Variants in STK31 observed in about 807,000 individuals in gnomAD.
STK31 encodes serine/threonine kinase 31.
Under a neutral mutation model 129.7 loss-of-function variants are expected in STK31, and 89 were observed. The ratio of observed to expected loss-of-function variants is 0.69; its 90% CI spans 0.58 to 0.82. The LOEUF is 0.82. Ranked by LOEUF, STK31 falls within the 40% of genes least tolerant of loss-of-function variation. The pLI is 0.00. For synonymous variants in STK31, 448 were observed against 395.3 expected, an observed-to-expected ratio of 1.13 and a Z score of -1.58; for missense variants, 1,187 against 1,176.4, an observed-to-expected ratio of 1.01 and a Z score of -0.13.
chr7:23,713,990 AT>A (rs1308701810), intron 3 of STK31, among the ~76,000 whole-genome samples: 3 of 152,202 alleles, frequency 2.0e-5, no homozygotes, highest in African/African-American at 7.2e-5. Flanking sequence ...TTACACCAGC[AT>A]CACCACAAAT....
In STK31 at chr7:23,735,740, G is replaced by A. The variant is rs1787678668; in HGVS notation, c.686G>A (p.Gly229Asp). The change falls in exon 7 of 24, where the codon GGT becomes GAT. Residue 229 changes from glycine (G) to aspartate (D), a missense_variant. This residue lies in a region of STK31 where 975 missense variants were observed against 934.9 expected (regional missense o/e 1.04). Transcript: ENST00000355870. ...DICEEKKLDP[G>D]QLVLRNLKSP... is the part of the protein sequence containing the mutation. ...TGTGAGGAAAAAAAATTGGATCCTGGTCAACTTGTTCTCAGGAACCTCAAA... is the reference window on the plus strand; with the variant it reads ...TGTGAGGAAAAAAAATTGGATCCTGATCAACTTGTTCTCAGGAACCTCAAA... 1 of 1,614,090 alleles carries A rather than the reference G, an allele frequency of 6.2e-7. No individual in the cohort carries two copies. The highest frequency in any genetic ancestry group is 1.3e-5 in the African/African-American group (1 of 75,030).
chr7:23,777,567 C>G (rs62470064), intron 15 of STK31, among the ~76,000 whole-genome samples: 38,283 of 152,052 alleles, frequency 0.25, 5,198 homozygotes, highest in East Asian at 0.39. Flanking sequence ...GCACTGATCC[C>G]TTTACCATTA....
chr7:23,748,985 T>C (rs1222433897), intron 8 of STK31, among the ~76,000 whole-genome samples: 1 of 152,228 alleles, frequency 6.6e-6, no homozygotes, highest in African/African-American at 2.4e-5. Flanking sequence ...TATATCCAAT[T>C]TATTGGTGTT....
intron 4 of STK31, chr7:23,722,065 G>T (rs1001926872): frequency 4.9e-5 from 8 of 164,068 alleles, no homozygotes; most frequent in Non-Finnish European, 9.2e-5. Context: ...ATCGTCTGAA[G>T]CCTTCTTCTC....
At chr7:23,719,382 A>G (rs1019845570) in intron 4 of STK31, among the ~76,000 whole-genome samples, 1 of 152,100 alleles carries the variant, frequency 6.6e-6, no homozygotes, top group African/African-American at 2.4e-5. Context: ...TAAAATTATC[A>G]TTTAAGAATA....
chr7:23,712,004 G>A, intron 1 of STK31, 95 bp from the exon 2 acceptor site: 1 of 1,067,688 alleles, frequency 9.4e-7, no homozygotes, highest in Non-Finnish European at 1.3e-6. Context: ...CTGCATTTAG[G>A]ACAAAACATT....
In STK31 at chr7:23,761,629, C is replaced by T. The variant is rs1332602524; in HGVS notation, c.1294-1172C>T. Among the ~76,000 whole-genome samples the T allele has an allele frequency of 3.3e-5, 5 of 151,148 alleles. No homozygotes were observed. The East Asian group carries it at 5.8e-4, about 18-fold the overall frequency. On this transcript the variant is annotated intron_variant, in intron 10 of 23. Transcript: ENST00000355870. ...TAGAGATGGGGTTTCACCATGGTCT[C>T]GATCTCCTGACCTCATGATCCGCCT...
At chr7:23,819,627 C>CCT (rs1793681480) in intron 23 of STK31, among the ~76,000 whole-genome samples, 1 of 152,144 alleles carries the variant, frequency 6.6e-6, no homozygotes, top group Non-Finnish European at 1.5e-5. Context: ...GTTGGCCAGG[C>CCT]TGATCTTAAA....
Position 23,754,420 on chromosome 7 carries a change from A to G in STK31, c.1239A>G (p.Ile413Met), listed in dbSNP as rs898107959. 1 of 1,613,878 alleles carries G rather than the reference A, an allele frequency of 6.2e-7. No individual in the cohort carries two copies. Among genetic ancestry groups the G allele is most frequent in the Non-Finnish European group, 8.5e-7 (1 of 1,179,946 alleles). The change falls in exon 10 of 24, where the codon ATA (isoleucine) becomes ATG (methionine). Residue 413 changes from isoleucine to methionine, a missense_variant. Ile to Met is a conservative substitution (Grantham distance 10, BLOSUM62 1). Coordinates refer to ENST00000355870, the MANE Select transcript of STK31 (RefSeq NM_031414.5). The part of the protein sequence containing the change: ...TTPASLNGLE[I>M]IWAEYSLAQE... ...CAGCTTCTTTGAATGGATTAGAGATAATATGGGCAGAATACAGTCTGGCTC... is the reference window on the plus strand; with the variant it reads ...CAGCTTCTTTGAATGGATTAGAGATGATATGGGCAGAATACAGTCTGGCTC...
chr7:23,795,251 G>C (rs533592691), intron 22 of STK31, among the ~76,000 whole-genome samples: 10 of 152,290 alleles, frequency 6.6e-5, no homozygotes, highest in African/African-American at 2.4e-4. Flanking sequence ...TCCAGTCATG[G>C]CTAAAAGGGG....
intron 15 of STK31, among the ~76,000 whole-genome samples, chr7:23,776,162 A>T (rs1790528661): frequency 1.3e-5 from 2 of 152,274 alleles, no homozygotes; most frequent in African/African-American, 4.8e-5. Context: ...CCAGCGTTGC[A>T]TCCCAGGGAT....
intron 10 of STK31, among the ~76,000 whole-genome samples, chr7:23,756,511 T>G (rs1428872926): frequency 6.6e-6 from 1 of 152,132 alleles, no homozygotes; most frequent in African/African-American, 2.4e-5. Flanking sequence ...GATTGCCCTG[T>G]CGAGAACTTC....
chr7:23,827,490 C>T (rs28868045), intron 23 of STK31, among the ~76,000 whole-genome samples: 18,802 of 151,956 alleles, frequency 0.12, 1,749 homozygotes, highest in African/African-American at 0.26. Context: ...TTCTAGTTAT[C>T]CATTTGTCTT....
chr7:23,790,771 A>G (rs1012696244), intron 21 of STK31, 53 bp from the exon 22 acceptor site: 3 of 1,448,176 alleles, frequency 2.1e-6, no homozygotes, highest in African/African-American at 2.9e-5. Context: ...TACTTCACAG[A>G]AAGTCACCTC....
At chr7:23,754,669 G>A (rs1282132821) in intron 10 of STK31, among the ~76,000 whole-genome samples, 195 bp downstream of exon 10, 1 of 152,034 alleles carries the variant, frequency 6.6e-6, no homozygotes, top group Non-Finnish European at 1.5e-5. Context: ...TTCCTAACGA[G>A]CCCTGGTGTG....
chr7:23,805,526 C>T (rs1276575239), intron 22 of STK31, among the ~76,000 whole-genome samples: 1 of 151,906 alleles, frequency 6.6e-6, no homozygotes, highest in African/African-American at 2.4e-5. Context: ...GCTCTGTCAC[C>T]TGGGCTGGAG....
At chr7:23,740,806 C>A (rs1210883843) in intron 8 of STK31, among the ~76,000 whole-genome samples, 1 of 152,042 alleles carries the variant, frequency 6.6e-6, no homozygotes, top group East Asian at 1.9e-4. Flanking sequence ...TCATCCATGT[C>A]CCTACAAAGG....
At chr7:23,822,853 T>G (rs1305647117) in intron 23 of STK31, among the ~76,000 whole-genome samples, 1 of 152,198 alleles carries the variant, frequency 6.6e-6, no homozygotes, top group Admixed American at 6.5e-5. Flanking sequence ...GGTGTTCGGT[T>G]TTTTGTCCTT....
At chr7:23,729,306 C>A in intron 6 of STK31, 57 bp downstream of exon 6, 15 of 1,450,118 alleles carry the variant, frequency 1.0e-5, no homozygotes, top group Admixed American at 4.8e-5. Context: ...GTGCTTGAAA[C>A]AAAATGTAGG....
Sources: gnomAD v4.1 joint callset for allele counts (sites outside exome capture counted in the v4.1 genomes callset) on GRCh38, gnomAD v4.1.1 for gene constraint, gnomAD v4.1.1 regional missense constraint, MANE v1.5 for transcripts, NCBI Gene and HGNC (gene_info 2026-07-23, HGNC 2026-07-21) for gene names.